The following DGKB variants were observed in gnomAD, a reference collection of about 807,000 sequenced individuals.
DGKB encodes 90 kDa diacylglycerol kinase.
Under a neutral mutation model 114.3 loss-of-function variants are expected in DGKB, and 67 were observed. That is an observed-to-expected ratio of 0.59 (90% CI 0.48 to 0.72). DGKB has a LOEUF of 0.72. Ranked by LOEUF, DGKB falls within the 30% of genes least tolerant of loss-of-function variation. The pLI is 0.00. For synonymous variants in DGKB, 398 were observed against 323.1 expected, an observed-to-expected ratio of 1.23 and a Z score of -2.49; for missense variants, 907 against 975.2, an observed-to-expected ratio of 0.93 and a Z score of 0.93.
At chr7:14,580,234 CATT>C (rs1404549918) in intron 19 of DGKB, among the ~76,000 whole-genome samples, 1 of 152,188 alleles carries the variant, frequency 6.6e-6, no homozygotes, top group African/African-American at 2.4e-5. Context: ...ATGGCTGTGT[CATT>C]ATCTAGCTAG....
At chr7:14,816,861 G>C (rs143289879) in intron 2 of DGKB, among the ~76,000 whole-genome samples, 61 of 152,272 alleles carry the variant, frequency 4.0e-4, no homozygotes, top group Admixed American at 3.7e-3. Context: ...ACATATTTAT[G>C]TAATGTTATT....
chr7:14,240,998 T>G (rs1243052044), intron 23 of DGKB, among the ~76,000 whole-genome samples: 1 of 152,104 alleles, frequency 6.6e-6, no homozygotes, highest in African/African-American at 2.4e-5. Context: ...CTCTGTCCTT[T>G]TGTTGACTCT....
At chr7:14,484,700 C>G (rs1783507561) in intron 20 of DGKB, among the ~76,000 whole-genome samples, 1 of 152,082 alleles carries the variant, frequency 6.6e-6, no homozygotes, top group Non-Finnish European at 1.5e-5. Flanking sequence ...TTACAGCAAG[C>G]AAGAATGGCC....
chr7:14,900,073 G>A (rs1782762177), intron 1 of DGKB, among the ~76,000 whole-genome samples: 1 of 152,140 alleles, frequency 6.6e-6, no homozygotes, highest in South Asian at 2.1e-4. Flanking sequence ...CACAGTATGT[G>A]CAACTGCTGC....
rs61438177 is a variant in DGKB at position 14,698,313 on chromosome 7, T to C, written c.517-144A>G. Reference sequence around the variant, plus strand: ...GAATATATATATGTACATAATCCTTTTTAAAGGTCTAATTAACTATATAAA... The same window carrying C: ...GAATATATATATGTACATAATCCTTCTTAAAGGTCTAATTAACTATATAAA... On this transcript the variant is annotated intron_variant, in intron 7 of 25. Coordinates refer to ENST00000402815, the MANE Select transcript of DGKB (RefSeq NM_001350709.2). The C allele has an allele frequency of 1.9e-3, 964 of 509,198 alleles. 11 individuals carry two copies. The highest frequency in any genetic ancestry group is 0.017 in the African/African-American group (836 of 49,048). 31.5% of individuals were successfully genotyped at this position (509,198 alleles called of 1,614,324 possible).
At chr7:14,651,040 G>A (rs1288053508) in intron 13 of DGKB, among the ~76,000 whole-genome samples, 1 of 152,108 alleles carries the variant, frequency 6.6e-6, no homozygotes, top group East Asian at 1.9e-4. Flanking sequence ...AGCACCAGAT[G>A]GATTCACAGC....
At chr7:14,671,360 C>T (rs979288490) in intron 13 of DGKB, among the ~76,000 whole-genome samples, 5 of 151,980 alleles carry the variant, frequency 3.3e-5, no homozygotes, top group African/African-American at 9.7e-5. Flanking sequence ...TCACACGCTT[C>T]AGAGTAGATA....
At chr7:14,878,310 G>A (rs2128208638) in intron 1 of DGKB, among the ~76,000 whole-genome samples, 1 of 152,216 alleles carries the variant, frequency 6.6e-6, no homozygotes, top group Non-Finnish European at 1.5e-5. Flanking sequence ...TTTCTCTTTT[G>A]CAATTGTTCT....
intron 1 of DGKB, among the ~76,000 whole-genome samples, chr7:14,852,327 A>G (rs1158068518): frequency 6.6e-6 from 1 of 151,404 alleles, no homozygotes; most frequent in Non-Finnish European, 1.5e-5. Context: ...TTAATTTACC[A>G]TTCTTACATT....
intron 23 of DGKB, among the ~76,000 whole-genome samples, chr7:14,325,730 T>C: frequency 6.6e-6 from 1 of 152,284 alleles, no homozygotes. Context: ...AAAATTTCCA[T>C]AAACTAAAAT....
At chr7:14,201,199 C>T (rs374439451) in intron 23 of DGKB, among the ~76,000 whole-genome samples, 3 of 151,930 alleles carry the variant, frequency 2.0e-5, no homozygotes, top group African/African-American at 7.3e-5. Context: ...GGATGGAAGG[C>T]TTGAGGGATC....
At chr7:14,821,559 G>T (rs1306694436) in intron 2 of DGKB, among the ~76,000 whole-genome samples, 1 of 152,150 alleles carries the variant, frequency 6.6e-6, no homozygotes, top group Non-Finnish European at 1.5e-5. Flanking sequence ...TTCAGAAAAA[G>T]GGAGCAGAAT....
At chr7:14,150,339 A>C (rs972556580) in intron 25 of DGKB, among the ~76,000 whole-genome samples, 5 of 152,126 alleles carry the variant, frequency 3.3e-5, no homozygotes, top group African/African-American at 1.2e-4. Flanking sequence ...TGCATACCTG[A>C]CATTTTCAAG....
At chr7:14,300,691 A>T (rs570250990) in intron 23 of DGKB, among the ~76,000 whole-genome samples, 12 of 152,150 alleles carry the variant, frequency 7.9e-5, no homozygotes, top group African/African-American at 2.9e-4. Flanking sequence ...AATATTAAGC[A>T]TATTGATTTA....
chr7:14,924,399 A>C (rs1784655378), intron 1 of DGKB, among the ~76,000 whole-genome samples: 1 of 152,110 alleles, frequency 6.6e-6, no homozygotes, highest in African/African-American at 2.4e-5. Context: ...GGAGTTCCTG[A>C]ATCTTTCCAA....
chr7:14,664,547 T>G (rs1457512230), intron 13 of DGKB, among the ~76,000 whole-genome samples: 1 of 152,032 alleles, frequency 6.6e-6, no homozygotes, highest in Non-Finnish European at 1.5e-5. Flanking sequence ...GCCTCACCCT[T>G]ACACATGCCC....
intron 20 of DGKB, among the ~76,000 whole-genome samples, chr7:14,524,018 G>A (rs1237228528): frequency 1.3e-5 from 2 of 152,058 alleles, no homozygotes; most frequent in East Asian, 1.9e-4. Flanking sequence ...GCTCTGGATC[G>A]AGACACACGG....
In DGKB at chr7:14,669,611, T is replaced by C. The variant is rs185025094; in HGVS notation, c.1134+3318A>G. Among the ~76,000 whole-genome samples, 818 of 152,304 alleles carry C rather than the reference T, an allele frequency of 5.4e-3. 4 individuals are homozygous for C. The highest frequency in any genetic ancestry group is 0.018 in the African/African-American group (755 of 41,560). ...ACATTGAAAACAAAACCAGTACTTA[T>C]TTATTGTGTATATTTAAGGCATATG... On this transcript the variant is annotated intron_variant, in intron 13 of 25. Transcript: ENST00000402815.
Position 14,146,568 on chromosome 7 carries a change from C to T in DGKB, c.*2563G>A, listed in dbSNP as rs1283817183. On this transcript the variant is annotated 3_prime_UTR_variant, in exon 26 of 26. Transcript: ENST00000402815. ...AATTTTCCTTAAACTATATATTTTT[C>T]ATATGAAGCTGTCATAAAACTGATG... The T allele has an allele frequency of 1.3e-5, 2 of 152,136 alleles. No homozygotes were observed. The highest frequency in any genetic ancestry group is 2.9e-5 in the Non-Finnish European group (2 of 68,008). The allele number at this position is 152,136 out of a possible 1,614,324, so 9.4% of individuals were successfully genotyped here. A position where few individuals can be genotyped will look rare whatever the true frequency, so the allele number is the denominator to read the frequency against.
Sources: gnomAD v4.1 joint callset for allele counts (sites outside exome capture counted in the v4.1 genomes callset) on GRCh38, gnomAD v4.1.1 for gene constraint, MANE v1.5 for transcripts, NCBI Gene and HGNC (gene_info 2026-07-23, HGNC 2026-07-21) for gene names.